The following ATXN7L1 variants were observed in gnomAD, a reference collection of about 807,000 sequenced individuals.
ATXN7L1 encodes the protein ataxin-7-like protein 1.
ATXN7L1 carries 15 observed loss-of-function variants against 70.8 expected under a neutral mutation model. That is an observed-to-expected ratio of 0.21 (90% CI 0.14 to 0.33). ATXN7L1 has a LOEUF of 0.33. Among genes scored for constraint, ATXN7L1 ranks in the 10% least tolerant of loss-of-function variants. The pLI is 1.00. For synonymous variants in ATXN7L1, 440 were observed against 445.1 expected, an observed-to-expected ratio of 0.99 and a Z score of 0.14; for missense variants, 975 against 1,097.1, an observed-to-expected ratio of 0.89 and a Z score of 1.57.
intron 3 of ATXN7L1, among the ~76,000 whole-genome samples, chr7:105,687,602 G>A (rs1438330718): frequency 6.6e-6 from 1 of 152,206 alleles, no homozygotes; most frequent in Non-Finnish European, 1.5e-5. Flanking sequence ...CCAGAATCAT[G>A]AGAAAATAAA....
At chr7:105,673,423 G>A (rs1300501257) in intron 3 of ATXN7L1, among the ~76,000 whole-genome samples, 1 of 152,240 alleles carries the variant, frequency 6.6e-6, no homozygotes, top group Non-Finnish European at 1.5e-5. Flanking sequence ...ACAGTCGCTT[G>A]TGGCCTGCCA....
At chr7:105,642,653 C>T (rs1054015846) in intron 5 of ATXN7L1, among the ~76,000 whole-genome samples, 185 bp downstream of exon 5, 5 of 152,200 alleles carry the variant, frequency 3.3e-5, no homozygotes, top group African/African-American at 1.2e-4. Context: ...TTCATCTGCC[C>T]GGGGAAGAAG....
intron 3 of ATXN7L1, among the ~76,000 whole-genome samples, chr7:105,671,569 C>G (rs1803686299): frequency 6.9e-6 from 1 of 145,264 alleles, no homozygotes; most frequent in Admixed American, 7.1e-5. Context: ...CTGCTCTCAC[C>G]CGTTCTGTCC....
chr7:105,625,451 A>G (rs1242180187), intron 7 of ATXN7L1, among the ~76,000 whole-genome samples: 1 of 152,030 alleles, frequency 6.6e-6, no homozygotes. Context: ...GGGTTTCACC[A>G]TGTTGGCCAG....
rs1350439725 is a variant in ATXN7L1 at position 105,605,934 on chromosome 7, T to C, written c.*1918A>G. ...CTGTAATATAGTAAAACATAAATTATTACAAAATTAACACTATAAAAATTT... is the reference window on the plus strand; with the variant it reads ...CTGTAATATAGTAAAACATAAATTACTACAAAATTAACACTATAAAAATTT... On this transcript the variant is annotated 3_prime_UTR_variant, in exon 12 of 12. Coordinates refer to ENST00000419735, the MANE Select transcript of ATXN7L1 (RefSeq NM_020725.2). 1 of 152,160 alleles carries C rather than the reference T, an allele frequency of 6.6e-6. No individual in the cohort carries two copies. Among genetic ancestry groups the C allele is most frequent in the African/African-American group, 2.4e-5 (1 of 41,440 alleles). The allele number at this position is 152,160 out of a possible 1,614,324, so 9.4% of individuals were successfully genotyped here.
At chr7:105,757,896 G>A (rs1381887396) in intron 3 of ATXN7L1, among the ~76,000 whole-genome samples, 1 of 151,626 alleles carries the variant, frequency 6.6e-6, no homozygotes, top group South Asian at 2.1e-4. Context: ...GGCTCTTTTT[G>A]AAAGATTTGA....
chr7:105,722,432 C>T (rs1021417148), intron 3 of ATXN7L1, among the ~76,000 whole-genome samples: 1 of 151,648 alleles, frequency 6.6e-6, no homozygotes, highest in Admixed American at 6.6e-5. Context: ...CATGGTAGTA[C>T]AGGCCTATAG....
At chr7:105,778,082 G>A (rs910801576) in intron 3 of ATXN7L1, among the ~76,000 whole-genome samples, 1 of 152,106 alleles carries the variant, frequency 6.6e-6, no homozygotes, top group Admixed American at 6.5e-5. Flanking sequence ...GCATATAGCA[G>A]GTGCTCAATA....
intron 3 of ATXN7L1, among the ~76,000 whole-genome samples, chr7:105,704,587 T>C (rs868536251): frequency 0.021 from 2,461 of 117,310 alleles, 57 homozygotes; most frequent in Non-Finnish European, 0.028. Flanking sequence ...TTTATCTCTT[T>C]TTTTTTTTTT....
chr7:105,847,922 C>T (rs1237125827), intron 2 of ATXN7L1, among the ~76,000 whole-genome samples: 1 of 152,174 alleles, frequency 6.6e-6, no homozygotes, highest in East Asian at 1.9e-4. Flanking sequence ...TTCTATTTTC[C>T]TAGCTACTTT....
rs538631567 is a variant in ATXN7L1 at position 105,614,528 on chromosome 7, G to A, written c.1806C>T (p.Ser602=). The change falls in exon 10 of 12, where the codon TCC becomes TCT. Residue 602 remains serine, a synonymous_variant. Coordinates refer to ENST00000419735, the MANE Select transcript of ATXN7L1 (RefSeq NM_020725.2). This position sits in a 1 kb window ranked among gnomAD's most constrained non-coding sequence, Gnocchi z 4.3. ...TGACGGCTGGTATCGGGGACACGGC[G>A]GATGGGGCCTTGAAGGTTGAGTCCA... ...SIMDSTFKAP[S]AVSPIPAVIP... 55 of 1,537,130 alleles carry A rather than the reference G, an allele frequency of 3.6e-5. 1 individual carries two copies. The highest frequency in any genetic ancestry group is 1.6e-4 in the South Asian group (13 of 81,364).
chr7:105,633,704 G>A (rs1796946771), intron 7 of ATXN7L1, among the ~76,000 whole-genome samples: 1 of 152,076 alleles, frequency 6.6e-6, no homozygotes, highest in South Asian at 2.1e-4. Context: ...TGGGTGACAG[G>A]GGGGAGACTC....
chr7:105,855,596 A>G (rs1815611783), intron 2 of ATXN7L1, among the ~76,000 whole-genome samples: 1 of 152,244 alleles, frequency 6.6e-6, no homozygotes, highest in Non-Finnish European at 1.5e-5. Context: ...TTTTTTGATT[A>G]TCAAAATTTA....
rs1220415589 is a variant in ATXN7L1, at chr7:105,607,836, T to C, written c.*16A>G. ...AGGTGGCCTGGAATTGATGTGGAAGTGGCTTCATAGTCTTGTTATGGAAGA... is the reference window on the plus strand; with the variant it reads ...AGGTGGCCTGGAATTGATGTGGAAGCGGCTTCATAGTCTTGTTATGGAAGA... On this transcript the variant is annotated 3_prime_UTR_variant, in exon 12 of 12. Transcript: ENST00000419735. The C allele has an allele frequency of 1.3e-6, 2 of 1,550,984 alleles. No individual in the cohort carries two copies. Among genetic ancestry groups the C allele is most frequent in the South Asian group, 2.4e-5 (2 of 84,032 alleles).
At chr7:105,748,599 G>T (rs1267830369) in intron 3 of ATXN7L1, among the ~76,000 whole-genome samples, 1 of 152,190 alleles carries the variant, frequency 6.6e-6, no homozygotes, top group Non-Finnish European at 1.5e-5. Context: ...ACAGTTAGGT[G>T]TCCCCCTGGT....
chr7:105,759,918 T>C (rs1460568449), intron 3 of ATXN7L1, among the ~76,000 whole-genome samples: 1 of 152,054 alleles, frequency 6.6e-6, no homozygotes, highest in Non-Finnish European at 1.5e-5. Flanking sequence ...AGGCATGTCA[T>C]TGAAAGCCCA....
intron 3 of ATXN7L1, among the ~76,000 whole-genome samples, chr7:105,687,761 T>C (rs1790137413): frequency 6.6e-6 from 1 of 152,056 alleles, no homozygotes; most frequent in Non-Finnish European, 1.5e-5. Flanking sequence ...CTCGGATGCA[T>C]CCTCCTCCTT....
At chr7:105,617,644 A>G in intron 9 of ATXN7L1, 1 of 292,404 alleles carries the variant, frequency 3.4e-6, no homozygotes, top group South Asian at 3.2e-5. Flanking sequence ...GTCAAATGGC[A>G]GTGGATTTCA....
chr7:105,667,660 C>G (rs954668623), intron 3 of ATXN7L1, among the ~76,000 whole-genome samples: 3 of 89,328 alleles, frequency 3.4e-5, no homozygotes, highest in Non-Finnish European at 7.0e-5. Context: ...GATCCCGCCA[C>G]TGCACTCCAG....
Sources: allele counts gnomAD v4.1 joint callset (sites outside exome capture counted in the v4.1 genomes callset), GRCh38; gene constraint gnomAD v4.1.1; non-coding constraint Gnocchi (gnomAD v3.1); transcripts MANE v1.5; gene names NCBI Gene and HGNC (gene_info 2026-07-23, HGNC 2026-07-21).